Variants in ANKS1B observed in about 807,000 individuals in gnomAD.
ANKS1B encodes the protein ankyrin repeat and sterile alpha motif domain-containing protein 1B.
A neutral mutation model predicts 148.3 loss-of-function variants in ANKS1B; 36 were observed. That is an observed-to-expected ratio of 0.24 (90% confidence interval 0.19 to 0.32). The LOEUF (loss-of-function observed/expected upper bound fraction) is 0.32, where lower values mean the gene tolerates loss of function less well. Ranked by LOEUF, ANKS1B falls within the 10% of genes least tolerant of loss-of-function variation. The probability of loss-of-function intolerance (pLI) is 1.00; values close to 1 mark genes in which losing one functional copy is unlikely to be tolerated. For synonymous variants in ANKS1B, 542 were observed against 560.8 expected (o/e 0.97, Z 0.47); for missense variants, 1,157 against 1,542.6 (o/e 0.75, Z 4.19).
At chr12:99,291,956 G>C (rs1261595584) in intron 12 of ANKS1B, among the ~76,000 whole-genome samples, 1 of 152,178 alleles carries the variant, frequency 6.6e-6, no homozygotes, top group African/African-American at 2.4e-5. Flanking sequence ...CTAGGCATAT[G>C]TAGAAAGCTG....
rs193076604 is a variant in ANKS1B, at chr12:99,221,929, T to C, written c.2419+22413A>G. Among the ~76,000 whole-genome samples the C allele has an allele frequency of 6.9e-4, 105 of 152,300 alleles. 3 individuals carry two copies. The East Asian group carries it at 0.019, about 28-fold the overall frequency. ...TAAACCATTGTTATTGATAGGGAGA[T>C]AGTTAAATAAATTAAGGTATATTAA... On this transcript the variant is annotated intron_variant, in intron 14 of 26. Coordinates refer to ENST00000683438, the MANE Select transcript of ANKS1B (RefSeq NM_001352186.2).
intron 12 of ANKS1B, among the ~76,000 whole-genome samples, chr12:99,293,914 A>G (rs1417293907): frequency 6.6e-6 from 1 of 152,256 alleles, no homozygotes; most frequent in African/African-American, 2.4e-5. Flanking sequence ...GCAAGCGAGT[A>G]TGTGAAAAGA....
chr12:99,112,600 A>C (rs2060522115), intron 15 of ANKS1B, among the ~76,000 whole-genome samples: 1 of 152,076 alleles, frequency 6.6e-6, no homozygotes, highest in East Asian at 1.9e-4. Context: ...TGGATCTGTT[A>C]TGTATCAGGT....
At chr12:99,118,792 A>G (rs2062012497) in intron 15 of ANKS1B, among the ~76,000 whole-genome samples, 1 of 152,232 alleles carries the variant, frequency 6.6e-6, no homozygotes, top group South Asian at 2.1e-4. Context: ...AAGATCAGCC[A>G]TTTTTGACAA....
chr12:98,905,459 GC>G (rs1234035325), intron 17 of ANKS1B, among the ~76,000 whole-genome samples: 1 of 152,134 alleles, frequency 6.6e-6, no homozygotes, highest in Non-Finnish European at 1.5e-5. Context: ...GGGCGGAGGT[GC>G]TTTCAAGGAT....
At chr12:99,474,691 T>C (rs1909841) in intron 10 of ANKS1B, among the ~76,000 whole-genome samples, 6,870 of 152,116 alleles carry the variant, frequency 0.045, 521 homozygotes, top group African/African-American at 0.16. Context: ...GGGAATACTA[T>C]ATAATGACAA....
chr12:99,355,392 T>G (rs949514278), intron 12 of ANKS1B, among the ~76,000 whole-genome samples: 2 of 152,156 alleles, frequency 1.3e-5, no homozygotes, highest in Admixed American at 6.6e-5. Flanking sequence ...TTCATTGTTT[T>G]CCTGCCACAA....
chr12:98,948,946 A>AATTTTTTTTTTTTT (rs1567958669), intron 17 of ANKS1B, among the ~76,000 whole-genome samples: 2 of 89,184 alleles, frequency 2.2e-5, no homozygotes, highest in African/African-American at 8.1e-5. Flanking sequence ...AGCATGAGCT[A>AATTTTTTTTTTTTT]CTTTTTTTTT....
chr12:99,341,640 AT>A (rs1007937531), intron 12 of ANKS1B, among the ~76,000 whole-genome samples: 13 of 152,138 alleles, frequency 8.5e-5, no homozygotes, highest in Admixed American at 3.3e-4. Context: ...TTCTGTTTTA[AT>A]TTTTCAGCTC....
At chr12:99,509,380 G>A (rs920230965) in intron 9 of ANKS1B, among the ~76,000 whole-genome samples, 23 of 151,878 alleles carry the variant, frequency 1.5e-4, no homozygotes, top group Non-Finnish European at 3.4e-4. Context: ...TGAATGCAAA[G>A]GAAAAGTTCT....
At chr12:99,914,161 G>GA (rs1334511581) in intron 1 of ANKS1B, among the ~76,000 whole-genome samples, 2 of 152,154 alleles carry the variant, frequency 1.3e-5, no homozygotes, top group Non-Finnish European at 1.5e-5. Flanking sequence ...TGCTTTTGGG[G>GA]AAAACCCTAA....
chr12:99,337,093 T>C (rs2089046326), intron 12 of ANKS1B, among the ~76,000 whole-genome samples: 2 of 152,144 alleles, frequency 1.3e-5, no homozygotes, highest in Non-Finnish European at 2.9e-5. Flanking sequence ...TGAATAAACT[T>C]CCTATTTCAA....
At chr12:98,911,645 A>G (rs1199559590) in intron 17 of ANKS1B, among the ~76,000 whole-genome samples, 4 of 152,150 alleles carry the variant, frequency 2.6e-5, no homozygotes, top group African/African-American at 9.7e-5. Context: ...CGCTTCCTAC[A>G]GTCTGGTGTG....
chr12:99,957,364 TTTTCA>T (rs1443045305), intron 1 of ANKS1B, among the ~76,000 whole-genome samples: 1 of 152,204 alleles, frequency 6.6e-6, no homozygotes, highest in Non-Finnish European at 1.5e-5. Flanking sequence ...GCAATTTACT[TTTTCA>T]TTTATCAAAA....
intron 10 of ANKS1B, among the ~76,000 whole-genome samples, chr12:99,476,484 C>T (rs2096324360): frequency 6.6e-6 from 1 of 152,048 alleles, no homozygotes; most frequent in Non-Finnish European, 1.5e-5. Flanking sequence ...CTACATATAA[C>T]AGATTAAGGG....
chr12:98,794,902 G>A, intron 22 of ANKS1B: 2 of 1,549,400 alleles, frequency 1.3e-6, no homozygotes, highest in Non-Finnish European at 1.8e-6. Context: ...TGCAGGCAAA[G>A]GGAAGCAGTT....
chr12:99,465,864 G>A (rs1398161819), intron 10 of ANKS1B, among the ~76,000 whole-genome samples: 1 of 152,112 alleles, frequency 6.6e-6, no homozygotes, highest in Non-Finnish European at 1.5e-5. Flanking sequence ...ACACCCCACT[G>A]TCAACATTAG....
intron 12 of ANKS1B, among the ~76,000 whole-genome samples, chr12:99,342,047 T>C (rs1372213130): frequency 6.6e-6 from 1 of 152,106 alleles, no homozygotes; most frequent in Admixed American, 6.6e-5. Flanking sequence ...TTTAATTAAA[T>C]ACCTACTATG....
intron 8 of ANKS1B, among the ~76,000 whole-genome samples, chr12:99,684,851 T>C (rs1413651086): frequency 1.3e-5 from 2 of 152,034 alleles, no homozygotes; most frequent in Admixed American, 6.6e-5. Flanking sequence ...CAACAAATAG[T>C]GCTGGGATAA....
Sources: allele counts gnomAD v4.1 joint callset (sites outside exome capture counted in the v4.1 genomes callset), GRCh38; gene constraint gnomAD v4.1.1; transcripts MANE v1.5; gene names NCBI Gene and HGNC (gene_info 2026-07-23, HGNC 2026-07-21).